MYH10: variants seen among roughly 807,000 people sequenced by gnomAD.
MYH10 encodes myosin-10.
In MYH10, 55 loss-of-function variants were observed where a neutral mutation model predicts 257.8. The ratio of observed to expected loss-of-function variants is 0.21; its 90% CI spans 0.17 to 0.27. The LOEUF is 0.27. Ranked by LOEUF, MYH10 falls within the 10% of genes least tolerant of loss-of-function variation. The pLI, the probability that MYH10 is intolerant of heterozygous loss-of-function variation, is 1.00. For missense variants in MYH10, 1,631 were observed against 2,500.6 expected (o/e 0.65, Z 7.42); for synonymous variants, 854 against 921.7 (o/e 0.93, Z 1.33).
intron 3 of MYH10, among the ~76,000 whole-genome samples, chr17:8,591,052 T>C (rs2084118471): frequency 6.6e-6 from 1 of 151,978 alleles, no homozygotes; most frequent in Non-Finnish European, 1.5e-5. Flanking sequence ...TTTTGTGTTT[T>C]TAGTAGAGAC....
At chr17:8,537,200 G>A (rs953628685) in intron 14 of MYH10, among the ~76,000 whole-genome samples, 5 of 152,142 alleles carry the variant, frequency 3.3e-5, no homozygotes, top group African/African-American at 1.2e-4. Context: ...GCAAGTGTGT[G>A]ATACAAAACT....
intron 4 of MYH10, among the ~76,000 whole-genome samples, chr17:8,585,627 G>A (rs1436098613): frequency 6.6e-6 from 1 of 152,000 alleles, no homozygotes; most frequent in Non-Finnish European, 1.5e-5. Context: ...AACATGAAAA[G>A]CTGTTACTAA....
At chr17:8,559,518 TAA>T (rs1287540083) in intron 7 of MYH10, among the ~76,000 whole-genome samples, 1 of 152,126 alleles carries the variant, frequency 6.6e-6, no homozygotes, top group Non-Finnish European at 1.5e-5. Flanking sequence ...TAGTTGAGAA[TAA>T]ATGAGTTAAT....
At chr17:8,610,126 A>G (rs1385194244) in intron 2 of MYH10, among the ~76,000 whole-genome samples, 1 of 151,936 alleles carries the variant, frequency 6.6e-6, no homozygotes, top group African/African-American at 2.4e-5. Flanking sequence ...CAAAACCTAA[A>G]ATGACTCACT....
chr17:8,547,754 T>A (rs2082491314), intron 11 of MYH10, among the ~76,000 whole-genome samples: 1 of 143,836 alleles, frequency 7.0e-6, no homozygotes, highest in South Asian at 2.1e-4. Flanking sequence ...TATATACATA[T>A]ATTTAATAAA....
At chr17:8,476,445 C>T (rs1482357412) in intron 42 of MYH10, among the ~76,000 whole-genome samples, 1 of 152,252 alleles carries the variant, frequency 6.6e-6, no homozygotes, top group African/African-American at 2.4e-5. Flanking sequence ...GGGGCAGAGA[C>T]TTCAGCTGTA....
At chr17:8,502,909 A>C (rs1451316071) in intron 28 of MYH10, among the ~76,000 whole-genome samples, 1 of 152,230 alleles carries the variant, frequency 6.6e-6, no homozygotes, top group African/African-American at 2.4e-5. Flanking sequence ...AGTCTAGTTC[A>C]GTGGTTTCTA....
intron 7 of MYH10, chr17:8,560,379 G>C: frequency 7.2e-6 from 2 of 277,294 alleles, no homozygotes; most frequent in Non-Finnish European, 7.1e-6. Flanking sequence ...CTACCTTCAC[G>C]GGACATTAAA....
chr17:8,628,898 G>A (rs2085783684), intron 1 of MYH10, among the ~76,000 whole-genome samples: 1 of 152,216 alleles, frequency 6.6e-6, no homozygotes, highest in Non-Finnish European at 1.5e-5. Context: ...GAGCCCAAAT[G>A]AAAAGCCAGG....
chr17:8,478,581 A>G, intron 40 of MYH10, 135 bp from the exon 41 acceptor site: 1 of 745,650 alleles, frequency 1.3e-6, no homozygotes, highest in South Asian at 1.7e-5. Flanking sequence ...TCCAGAATTC[A>G]TGACTAATGT....
chr17:8,598,561 A>G (rs2084473920), intron 3 of MYH10, among the ~76,000 whole-genome samples: 1 of 152,226 alleles, frequency 6.6e-6, no homozygotes. Flanking sequence ...AAATTAGCAA[A>G]AAATTGTCTA....
intron 29 of MYH10, among the ~76,000 whole-genome samples, chr17:8,500,460 A>AC (rs1917348875): frequency 6.6e-6 from 1 of 152,232 alleles, no homozygotes; most frequent in Non-Finnish European, 1.5e-5. Flanking sequence ...CTGAAGGGGA[A>AC]CATCGGCAGG....
In MYH10 at chr17:8,614,307, CTTTTTTTTTTTT is replaced by C. The variant is rs35801623; in HGVS notation, c.345+8583_345+8594del. Among the ~76,000 whole-genome samples the C allele has an allele frequency of 1.5e-3, 114 of 77,132 alleles. 2 individuals carry two copies. Among genetic ancestry groups the C allele is most frequent in the African/African-American group, 5.6e-3 (101 of 17,992 alleles). The allele number at this position is 77,132 out of a possible 152,430, so 50.6% of individuals were successfully genotyped here. ...GATTTAGAAAGTAAGCAATTCACTT[CTTTTTTTTTTTT>C]TTTTTTTTTTTTTTGAGATGGATTC... On this transcript the variant is annotated intron_variant, in intron 2 of 42. Transcript: ENST00000360416.
Position 8,506,420 on chromosome 17 carries a change from G to A in MYH10, c.3284C>T (p.Thr1095Met), listed in dbSNP as rs201075759. Residue 1095 changes from threonine (T) to methionine (M), a missense_variant, in exon 27 of 43, where the codon ACG becomes ATG. Coordinates refer to ENST00000360416, the MANE Select transcript of MYH10 (RefSeq NM_001256012.3). This position sits in a 1 kb window ranked among gnomAD's most constrained non-coding sequence, Gnocchi z 5.0. ...EKAKRKLDGE[T>M]TDLQDQIAEL... ...TGCGATCTGGTCCTGCAGGTCGGTC[G>A]TCTCCCCGTCGAGTTTTCTTTTGGC... 5.6e-6 allele frequency: 9 copies of A among 1,612,720 alleles called. No homozygotes were observed. The East Asian group carries it at 6.7e-5, about 12-fold the overall frequency.
chr17:8,582,664 T>C (rs1158623857), intron 4 of MYH10, among the ~76,000 whole-genome samples: 2 of 152,228 alleles, frequency 1.3e-5, no homozygotes, highest in Non-Finnish European at 2.9e-5. Flanking sequence ...TCAATAGGTC[T>C]ACAGCTTTGG....
At chr17:8,610,441 A>T (rs1207389918) in intron 2 of MYH10, among the ~76,000 whole-genome samples, 3 of 151,630 alleles carry the variant, frequency 2.0e-5, no homozygotes, top group African/African-American at 7.3e-5. Flanking sequence ...AAAAAAAAAT[A>T]AAAAATAAAT....
At chr17:8,605,659 G>A (rs1287487573) in intron 2 of MYH10, among the ~76,000 whole-genome samples, 3 of 152,074 alleles carry the variant, frequency 2.0e-5, no homozygotes, top group South Asian at 4.1e-4. Context: ...TAGGAAAATC[G>A]CCTGAACCCC....
intron 1 of MYH10, among the ~76,000 whole-genome samples, chr17:8,628,080 G>A (rs1383716849): frequency 2.0e-5 from 3 of 152,202 alleles, no homozygotes; most frequent in Non-Finnish European, 2.9e-5. Context: ...AATCAATTAC[G>A]GCTTAAAAAG....
In MYH10 at chr17:8,530,551, T is replaced by TC. The variant is rs1567855169; in HGVS notation, c.1957+71dup. On this transcript the variant is annotated intron_variant, in intron 17 of 42. Transcript: ENST00000360416. ...CCGCCCTCCCCGGCCACCCTGCCAG[T>TC]CCCCCCACACGTTTTTCCTGTGGGC... 2.7e-5 allele frequency: 10 copies of TC among 376,282 alleles called. No homozygotes were observed. The East Asian group carries it at 8.0e-4, about 30-fold the overall frequency. 23.3% of individuals were successfully genotyped at this position (376,282 alleles called of 1,614,324 possible). A position where few individuals can be genotyped will look rare whatever the true frequency, so the allele number is the denominator to read the frequency against.
Sources: allele counts gnomAD v4.1 joint callset (sites outside exome capture counted in the v4.1 genomes callset), GRCh38; gene constraint gnomAD v4.1.1; non-coding constraint Gnocchi (gnomAD v3.1); transcripts MANE v1.5; gene names NCBI Gene and HGNC (gene_info 2026-07-23, HGNC 2026-07-21).